Variants in PDE3A observed in about 807,000 individuals in gnomAD.
PDE3A encodes the protein phosphodiesterase 3A.
PDE3A carries 43 observed loss-of-function variants against 98.3 expected under a neutral mutation model. The observed-to-expected ratio is 0.44, with a 90% CI of 0.34 to 0.56. The LOEUF (loss-of-function observed/expected upper bound fraction) is 0.56, where lower values mean the gene tolerates loss of function less well. Among genes scored for constraint, PDE3A ranks in the 20% least tolerant of loss-of-function variants. The pLI is 0.01. For synonymous variants in PDE3A, 663 were observed against 567.9 expected (o/e 1.17, Z -2.38); for missense variants, 1,427 against 1,440.7 (o/e 0.99, Z 0.15).
In PDE3A at chr12:20,646,756, G is replaced by T; in HGVS notation, c.2371G>T (p.Asp791Tyr). ...DHGSTSDSDS[D>Y]SGFTHGHMGY... ...CTCTCATTTTCTCTTCTCAGATTCT[G>T]ACAGTGGATTTACACATGGACATAT... Residue 791 changes from aspartate (D) to tyrosine (Y), a missense_variant, in exon 12 of 16, where the codon GAC becomes TAC. Coordinates refer to ENST00000359062, the MANE Select transcript of PDE3A (RefSeq NM_000921.5). The T allele has an allele frequency of 6.3e-7, 1 of 1,599,778 alleles. No individual in the cohort carries two copies. The highest frequency in any genetic ancestry group is 1.1e-5 in the South Asian group (1 of 90,698).
intron 15 of PDE3A, among the ~76,000 whole-genome samples, chr12:20,661,836 G>A (rs1003742526): frequency 6.6e-6 from 1 of 152,192 alleles, no homozygotes; most frequent in Non-Finnish European, 1.5e-5. Context: ...CAGTGTGGAA[G>A]GGAAATGTAG....
intron 3 of PDE3A, among the ~76,000 whole-genome samples, chr12:20,614,747 C>G (rs1943958345): frequency 6.6e-6 from 1 of 152,084 alleles, no homozygotes; most frequent in Non-Finnish European, 1.5e-5. Flanking sequence ...GATGCACATT[C>G]AGATGTTTAA....
chr12:20,657,399 C>T (rs1050585768), intron 15 of PDE3A, among the ~76,000 whole-genome samples: 1 of 152,070 alleles, frequency 6.6e-6, no homozygotes, highest in Admixed American at 6.6e-5. Context: ...CTTGACTTTG[C>T]CTAATACTTA....
chr12:20,449,617 G>T, intron 1 of PDE3A: 1 of 386,568 alleles, frequency 2.6e-6, no homozygotes, highest in Admixed American at 3.6e-5. Context: ...CACACTTACT[G>T]GAGCCAATTG....
At chr12:20,601,624 G>T (rs1240011916) in intron 2 of PDE3A, among the ~76,000 whole-genome samples, 5 of 152,136 alleles carry the variant, frequency 3.3e-5, no homozygotes, top group African/African-American at 9.7e-5. Context: ...ATTGAGAAAC[G>T]TAACAACTAA....
intron 1 of PDE3A, among the ~76,000 whole-genome samples, chr12:20,435,261 G>A (rs7298584): frequency 1.5e-3 from 235 of 152,178 alleles, no homozygotes; most frequent in African/African-American, 5.6e-3. Flanking sequence ...ACTAACATCA[G>A]TTATCTCTGA....
At chr12:20,514,707 C>T (rs1946285721) in intron 1 of PDE3A, among the ~76,000 whole-genome samples, 1 of 152,316 alleles carries the variant, frequency 6.6e-6, no homozygotes, top group African/African-American at 2.4e-5. Flanking sequence ...GTTAGTTAAA[C>T]ATGCTAGAAA....
At chr12:20,519,893 G>T (rs77161965) in intron 1 of PDE3A, among the ~76,000 whole-genome samples, 4,992 of 152,214 alleles carry the variant, frequency 0.033, 121 homozygotes, top group Middle Eastern at 0.065. Flanking sequence ...GGCCTGTGCT[G>T]CTCCAGGTAC....
chr12:20,625,534 G>T (rs1365316403), intron 5 of PDE3A, among the ~76,000 whole-genome samples: 3 of 152,086 alleles, frequency 2.0e-5, no homozygotes, highest in African/African-American at 7.2e-5. Context: ...TGCAATTTCT[G>T]CTTTGGAAAA....
intron 6 of PDE3A, among the ~76,000 whole-genome samples, chr12:20,632,273 A>G (rs1944397892): frequency 6.6e-6 from 1 of 152,144 alleles, no homozygotes; most frequent in Admixed American, 6.5e-5. Flanking sequence ...ATTTACACTC[A>G]AGGGTTGAAA....
intron 2 of PDE3A, among the ~76,000 whole-genome samples, chr12:20,587,082 A>G: frequency 6.6e-6 from 1 of 152,162 alleles, no homozygotes; most frequent in East Asian, 1.9e-4. Context: ...TAAAATTAGT[A>G]GGCTCTGCTG....
At chr12:20,599,855 G>A (rs1943547349) in intron 2 of PDE3A, among the ~76,000 whole-genome samples, 1 of 151,764 alleles carries the variant, frequency 6.6e-6, no homozygotes, top group African/African-American at 2.4e-5. Context: ...TCAATTTATT[G>A]CAATGTGGCT....
At position 20,646,606 on chromosome 12, in the gene PDE3A, A is replaced by G; in HGVS notation, c.2365+3A>G. The G allele has an allele frequency of 6.5e-7, 1 of 1,534,738 alleles. No individual in the cohort carries two copies. The highest frequency in any genetic ancestry group is 9.0e-7 in the Non-Finnish European group (1 of 1,107,850). On this transcript the variant is annotated splice_donor_region_variant and intron_variant, in intron 11 of 15. Transcript: ENST00000359062. ...TCATGGTTCAACCAGTGATTCAGGT[A>G]TGTACGAAGTGAATCTGCACTGCCT...
chr12:20,560,905 T>C (rs1262670489), intron 2 of PDE3A, among the ~76,000 whole-genome samples: 1 of 140,222 alleles, frequency 7.1e-6, no homozygotes, highest in Non-Finnish European at 1.6e-5. Flanking sequence ...TCAGAGAAAC[T>C]GGCCCTGTTT....
rs1029513641 is a variant in PDE3A, at chr12:20,617,917, C to T, written c.1424+1533C>T. Among the ~76,000 whole-genome samples the T allele has an allele frequency of 4.6e-5, 7 of 152,072 alleles. 1 individual carries two copies. In the South Asian group the frequency reaches 8.3e-4, roughly 18 times the overall value. ...GTTCCAAGGACTTTTAAGAACTTAA[C>T]GCCCAAGGATCTTGTCATTCTTCTT... On this transcript the variant is annotated intron_variant, in intron 4 of 15. Coordinates refer to ENST00000359062, the MANE Select transcript of PDE3A (RefSeq NM_000921.5).
At chr12:20,464,739 A>G (rs1457290999) in intron 1 of PDE3A, among the ~76,000 whole-genome samples, 2 of 152,170 alleles carry the variant, frequency 1.3e-5, no homozygotes, top group African/African-American at 2.4e-5. Context: ...TAAATTGCTG[A>G]CGTGGGATTG....
chr12:20,551,802 G>A, intron 1 of PDE3A: 5 of 1,613,980 alleles, frequency 3.1e-6, no homozygotes, highest in Non-Finnish European at 4.2e-6. Flanking sequence ...CGGCCACATC[G>A]TCCTCACAGC....
chr12:20,391,012 C>T (rs1377010998), intron 1 of PDE3A, among the ~76,000 whole-genome samples: 3 of 151,912 alleles, frequency 2.0e-5, no homozygotes, highest in Non-Finnish European at 4.4e-5. Flanking sequence ...GTACAGACTT[C>T]AGCTTCTGTG....
intron 1 of PDE3A, among the ~76,000 whole-genome samples, chr12:20,442,276 A>C (rs985650849): frequency 6.6e-6 from 1 of 152,208 alleles, no homozygotes; most frequent in Non-Finnish European, 1.5e-5. Flanking sequence ...TCTATTAGTT[A>C]GGATAGGCTA....
Sources: allele counts gnomAD v4.1 joint callset (sites outside exome capture counted in the v4.1 genomes callset), GRCh38; gene constraint gnomAD v4.1.1; transcripts MANE v1.5; gene names NCBI Gene and HGNC (gene_info 2026-07-23, HGNC 2026-07-21).